The following LUZP2 variants were observed in gnomAD, a reference collection of about 807,000 sequenced individuals.
LUZP2 encodes leucine zipper protein 2.
Under a neutral mutation model 51.6 loss-of-function variants are expected in LUZP2, and 52 were observed. The observed-to-expected ratio is 1.01, with a 90% CI of 0.81 to 1.27. The LOEUF (loss-of-function observed/expected upper bound fraction) is 1.27, where lower values mean the gene tolerates loss of function less well. LUZP2 is among the 50% of genes most tolerant of loss of function. The pLI, the probability that LUZP2 is intolerant of heterozygous loss-of-function variation, is 0.00. For synonymous variants in LUZP2, 154 were observed against 137.3 expected (o/e 1.12, Z -0.85); for missense variants, 436 against 395.4 (o/e 1.10, Z -0.87).
Position 24,788,923 on chromosome 11 carries a change from A to C in LUZP2, c.396+25615A>C, listed in dbSNP as rs142244909. Among the ~76,000 whole-genome samples, 439 of 152,288 alleles carry C rather than the reference A, an allele frequency of 2.9e-3. 4 individuals carry two copies. The highest frequency in any genetic ancestry group is 0.01 in the African/African-American group (421 of 41,548). ...CTCTTTACTTACAAGCCACCAATTC[A>C]AACGCAAATCTCATCAAAAAATGCC... On this transcript the variant is annotated intron_variant, in intron 5 of 11. Transcript: ENST00000336930.
chr11:24,679,293 C>T (rs1479195747), intron 1 of LUZP2, among the ~76,000 whole-genome samples: 5 of 152,028 alleles, frequency 3.3e-5, no homozygotes, highest in Non-Finnish European at 7.4e-5. Context: ...GTTAGGTATT[C>T]AACACATGGT....
chr11:24,833,710 G>C (rs200930539), intron 5 of LUZP2, among the ~76,000 whole-genome samples: 10 of 141,506 alleles, frequency 7.1e-5, no homozygotes, highest in Middle Eastern at 3.6e-3. Flanking sequence ...CACCGCGCGC[G>C]CGCACACACA....
At chr11:24,745,780 C>T (rs933550239) in intron 4 of LUZP2, among the ~76,000 whole-genome samples, 8 of 152,054 alleles carry the variant, frequency 5.3e-5, no homozygotes, top group African/African-American at 1.2e-4. Flanking sequence ...TGGGTTCAAG[C>T]GATTTTCCTA....
chr11:24,660,086 T>G (rs1241674631), intron 1 of LUZP2, among the ~76,000 whole-genome samples: 1 of 152,124 alleles, frequency 6.6e-6, no homozygotes, highest in African/African-American at 2.4e-5. Flanking sequence ...GACACTCTCC[T>G]GCCAGCCTTA....
In LUZP2 at chr11:24,497,173, C is replaced by T; in HGVS notation, c.-71C>T. 5.7e-6 allele frequency: 8 copies of T among 1,410,138 alleles called. No homozygotes were observed. Among genetic ancestry groups the T allele is most frequent in the South Asian group, 1.4e-5 (1 of 70,434 alleles). The allele number at this position is 1,410,138 out of a possible 1,614,324, so 87.4% of individuals were successfully genotyped here. Reference sequence around the variant, plus strand: ...ACTGGCTGGGGACAGAGCCGGGCACCAAGGAGCGACAGGATCCCGAAGAGA... The same window carrying T: ...ACTGGCTGGGGACAGAGCCGGGCACTAAGGAGCGACAGGATCCCGAAGAGA... On this transcript the variant is annotated 5_prime_UTR_variant, in exon 1 of 12. Transcript: ENST00000336930.
intron 5 of LUZP2, among the ~76,000 whole-genome samples, chr11:24,837,736 G>T (rs1447904456): frequency 2.6e-5 from 4 of 151,456 alleles, no homozygotes; most frequent in Non-Finnish European, 5.9e-5. Context: ...ATATATTTGG[G>T]GTTGCTTTAA....
chr11:24,987,754 CA>C (rs1856229596), intron 9 of LUZP2, among the ~76,000 whole-genome samples: 1 of 151,900 alleles, frequency 6.6e-6, no homozygotes, highest in Admixed American at 6.6e-5. Context: ...TTAGATAGAT[CA>C]AGGTACATTT....
At chr11:24,796,603 T>C (rs1849553327) in intron 5 of LUZP2, among the ~76,000 whole-genome samples, 1 of 148,658 alleles carries the variant, frequency 6.7e-6, no homozygotes, top group Admixed American at 6.8e-5. Flanking sequence ...GAGAAGAGGT[T>C]CAGAAGGTTT....
chr11:24,820,128 T>A (rs1382218813), intron 5 of LUZP2, among the ~76,000 whole-genome samples: 6 of 152,094 alleles, frequency 3.9e-5, no homozygotes, highest in Non-Finnish European at 8.8e-5. Context: ...AAAAAATATT[T>A]GAAATAAAGT....
intron 1 of LUZP2, among the ~76,000 whole-genome samples, chr11:24,610,422 C>G (rs74713429): frequency 0.017 from 2,611 of 152,236 alleles, 72 homozygotes; most frequent in East Asian, 0.12. Context: ...TTAACAAAGA[C>G]ATTTTCCGTT....
chr11:24,745,127 T>C (rs966484670), intron 4 of LUZP2, among the ~76,000 whole-genome samples: 1 of 152,168 alleles, frequency 6.6e-6, no homozygotes, highest in Non-Finnish European at 1.5e-5. Flanking sequence ...TTATGGCCTG[T>C]CATATGGTCT....
chr11:24,847,878 C>T (rs1328736182), intron 5 of LUZP2, among the ~76,000 whole-genome samples: 2 of 152,032 alleles, frequency 1.3e-5, no homozygotes, highest in Non-Finnish European at 2.9e-5. Context: ...TTACTATCAC[C>T]ATTAATTTCA....
intron 1 of LUZP2, among the ~76,000 whole-genome samples, chr11:24,580,481 C>T (rs745486167): frequency 6.6e-5 from 10 of 152,090 alleles, no homozygotes; most frequent in Non-Finnish European, 1.3e-4. Flanking sequence ...TTAATTTGAG[C>T]ACCTAGCATA....
chr11:24,740,309 G>A (rs571333728), intron 4 of LUZP2, among the ~76,000 whole-genome samples: 101 of 152,228 alleles, frequency 6.6e-4, no homozygotes, highest in African/African-American at 2.4e-3. Context: ...TATAACTTTT[G>A]AAAGAGCACA....
At chr11:24,566,063 A>G (rs1367121888) in intron 1 of LUZP2, among the ~76,000 whole-genome samples, 3 of 151,828 alleles carry the variant, frequency 2.0e-5, no homozygotes, top group Admixed American at 6.6e-5. Flanking sequence ...AAAAAAAATT[A>G]CAAGGCATGT....
intron 1 of LUZP2, among the ~76,000 whole-genome samples, chr11:24,614,583 C>A (rs957413278): frequency 1.3e-5 from 2 of 151,848 alleles, no homozygotes; most frequent in African/African-American, 4.8e-5. Flanking sequence ...CTTCTGTGTT[C>A]TCTCTATTAT....
chr11:24,905,526 C>CA (rs1019332780), intron 5 of LUZP2, among the ~76,000 whole-genome samples: 4 of 150,984 alleles, frequency 2.6e-5, no homozygotes, highest in South Asian at 4.2e-4. Flanking sequence ...AAACTTCGCT[C>CA]AAAAAAAATA....
chr11:24,912,848 A>G (rs1208490222), intron 6 of LUZP2, among the ~76,000 whole-genome samples: 1 of 152,162 alleles, frequency 6.6e-6, no homozygotes, highest in Non-Finnish European at 1.5e-5. Flanking sequence ...AAACTGAATC[A>G]CAATAAACTT....
chr11:24,610,462 A>G (rs893951164), intron 1 of LUZP2, among the ~76,000 whole-genome samples: 5 of 152,234 alleles, frequency 3.3e-5, no homozygotes, highest in African/African-American at 1.2e-4. Flanking sequence ...ACATTGCTGA[A>G]TAAGTAAACA....
Sources: allele counts gnomAD v4.1 joint callset (sites outside exome capture counted in the v4.1 genomes callset), GRCh38; gene constraint gnomAD v4.1.1; transcripts MANE v1.5; gene names NCBI Gene and HGNC (gene_info 2026-07-23, HGNC 2026-07-21).